The following CCSER1 variants were observed in gnomAD, a reference collection of about 807,000 sequenced individuals.
CCSER1 encodes coiled-coil serine rich protein 1, also known as serine-rich coiled-coil domain-containing protein 1.
In CCSER1, 41 loss-of-function variants were observed where a neutral mutation model predicts 82.0. That is an observed-to-expected ratio of 0.50 (90% CI 0.39 to 0.65). The LOEUF (loss-of-function observed/expected upper bound fraction) is 0.65. Ranked by LOEUF, CCSER1 falls within the 30% of genes least tolerant of loss-of-function variation. CCSER1 has a pLI of 0.00. For missense variants in CCSER1, 1,119 were observed against 1,064.2 expected (o/e 1.05, Z -0.72); for synonymous variants, 414 against 383.9 (o/e 1.08, Z -0.92).
At chr4:90,620,493 G>C (rs901163019) in intron 5 of CCSER1, among the ~76,000 whole-genome samples, 1 of 152,108 alleles carries the variant, frequency 6.6e-6, no homozygotes, top group African/African-American at 2.4e-5. Flanking sequence ...TGGATACATT[G>C]ATGAACAAGA....
intron 10 of CCSER1, among the ~76,000 whole-genome samples, chr4:91,489,371 A>C (rs1025606112): frequency 8.5e-5 from 13 of 152,118 alleles, no homozygotes; most frequent in Non-Finnish European, 1.3e-4. Flanking sequence ...TGTTTCTTAC[A>C]ATGTTTTATC....
At chr4:90,601,713 A>G (rs998952764) in intron 5 of CCSER1, among the ~76,000 whole-genome samples, 1 of 151,608 alleles carries the variant, frequency 6.6e-6, no homozygotes, top group Non-Finnish European at 1.5e-5. Context: ...TTTCTCCCTA[A>G]GTATTGCTTT....
chr4:90,916,070 A>C lies in CCSER1; in HGVS notation c.2095-7300A>C, dbSNP rs545857610. ...CTCATGGATAGGAAGAATCAATATC[A>C]TGAAAATGGCCATACTACCCAAGGT... On this transcript the variant is annotated intron_variant, in intron 8 of 10. Transcript: ENST00000509176. Among the ~76,000 whole-genome samples, 51 of 152,240 alleles carry C rather than the reference A, an allele frequency of 3.3e-4. 1 individual carries two copies. The highest frequency in any genetic ancestry group is 1.2e-3 in the African/African-American group (48 of 41,550).
In CCSER1 at chr4:90,887,895, A is replaced by AAAC. The variant is rs1554036875; in HGVS notation, c.2095-35463_2095-35461dup. Among the ~76,000 whole-genome samples, 75 of 152,242 alleles carry AAAC rather than the reference A, an allele frequency of 4.9e-4. 1 individual carries two copies. In the East Asian group the frequency reaches 0.012, roughly 25 times the overall value. ...GACTCCATCTCAAAAAAACAAAACA[A>AAAC]AACAACAACAACAAAAACACAATAA... On this transcript the variant is annotated intron_variant, in intron 8 of 10. Transcript: ENST00000509176.
Position 91,553,912 on chromosome 4 carries a change from CTTCA to C in CCSER1, c.2218-44657_2218-44654del, listed in dbSNP as rs578116600. ...TCTTGTGTCTCATATATTCTCTAAT[CTTCA>C]TTATTTTTTCTTCTAATTTTCAGCT... On this transcript the variant is annotated intron_variant, in intron 10 of 10. Transcript: ENST00000509176. Among the ~76,000 whole-genome samples the C allele has an allele frequency of 4.3e-3, 646 of 150,872 alleles. 20 individuals carry two copies. The highest frequency in any genetic ancestry group is 0.015 in the African/African-American group (616 of 41,202).
At chr4:91,056,183 T>A (rs542126475) in intron 9 of CCSER1, among the ~76,000 whole-genome samples, 4 of 152,156 alleles carry the variant, frequency 2.6e-5, no homozygotes, top group Non-Finnish European at 5.9e-5. Flanking sequence ...ATCAGCTTCC[T>A]CTCAGGGACC....
chr4:91,380,438 G>A (rs1479840464), intron 10 of CCSER1, among the ~76,000 whole-genome samples: 1 of 152,080 alleles, frequency 6.6e-6, no homozygotes, highest in African/African-American at 2.4e-5. Flanking sequence ...CTCCTGTATT[G>A]GGTGCATATA....
intron 4 of CCSER1, among the ~76,000 whole-genome samples, chr4:90,426,360 C>A (rs180943765): frequency 8.5e-5 from 13 of 152,142 alleles, no homozygotes; most frequent in South Asian, 6.2e-4. Flanking sequence ...ATGATCAGGG[C>A]TAAAATAATG....
At chr4:90,324,007 G>A (rs1276273853) in intron 3 of CCSER1, among the ~76,000 whole-genome samples, 1 of 152,042 alleles carries the variant, frequency 6.6e-6, no homozygotes, top group Non-Finnish European at 1.5e-5. Context: ...ACTCATCATT[G>A]TTTATGGCTG....
chr4:91,009,749 CAACTT>C (rs1375442975), intron 9 of CCSER1, among the ~76,000 whole-genome samples: 5 of 152,150 alleles, frequency 3.3e-5, no homozygotes, highest in African/African-American at 1.2e-4. Flanking sequence ...ACACTGATAA[CAACTT>C]AACTTAATTT....
chr4:90,611,611 T>G (rs1235721803), intron 5 of CCSER1, among the ~76,000 whole-genome samples: 3 of 151,494 alleles, frequency 2.0e-5, no homozygotes, highest in Non-Finnish European at 4.4e-5. Context: ...TATTTTTGTG[T>G]GTATTAATTA....
chr4:91,125,791 A>G (rs1048105478), intron 10 of CCSER1, among the ~76,000 whole-genome samples: 4 of 151,638 alleles, frequency 2.6e-5, no homozygotes, highest in South Asian at 2.1e-4. Flanking sequence ...TAAAATTTTA[A>G]AACTACCAAC....
At chr4:91,341,902 G>A (rs1747745674) in intron 10 of CCSER1, among the ~76,000 whole-genome samples, 1 of 152,070 alleles carries the variant, frequency 6.6e-6, no homozygotes, top group Non-Finnish European at 1.5e-5. Flanking sequence ...CTTTTACCAG[G>A]ACTTTTGGCA....
Position 91,330,937 on chromosome 4 carries a change from G to A in CCSER1, c.2217+244943G>A, listed in dbSNP as rs185865514. ...GCATGATAAATTCTTGTGCTGTCTG[G>A]CTTTGTTCAGCCTGGGACATGAATC... On this transcript the variant is annotated intron_variant, in intron 10 of 10. Transcript: ENST00000509176. Among the ~76,000 whole-genome samples the A allele has an allele frequency of 1.6e-4, 24 of 152,200 alleles. No individual in the cohort carries two copies. The East Asian group carries it at 4.6e-3, about 29-fold the overall frequency.
chr4:91,454,150 C>T (rs2149422748), intron 10 of CCSER1, among the ~76,000 whole-genome samples: 1 of 152,140 alleles, frequency 6.6e-6, no homozygotes, highest in South Asian at 2.1e-4. Context: ...AAAACATTGT[C>T]ACACACTTTC....
intron 8 of CCSER1, among the ~76,000 whole-genome samples, chr4:90,911,996 T>C (rs1726465081): frequency 6.6e-6 from 1 of 152,204 alleles, no homozygotes; most frequent in African/African-American, 2.4e-5. Context: ...TGGAATTGGG[T>C]GGAGCCCACC....
chr4:90,429,782 A>C (rs1758023179), intron 4 of CCSER1, among the ~76,000 whole-genome samples: 1 of 151,882 alleles, frequency 6.6e-6, no homozygotes, highest in Non-Finnish European at 1.5e-5. Context: ...GTCAAAATTT[A>C]AGTAACAAGA....
intron 5 of CCSER1, among the ~76,000 whole-genome samples, chr4:90,533,365 G>T (rs1272519898): frequency 6.6e-6 from 1 of 152,118 alleles, no homozygotes. Flanking sequence ...AAAGTGCTGG[G>T]ATTACAGGCG....
At chr4:90,923,603 C>T in intron 9 of CCSER1, 156 bp downstream of exon 9, 1 of 539,774 alleles carries the variant, frequency 1.9e-6, no homozygotes, top group Non-Finnish European at 3.3e-6. Context: ...CAAATACCTC[C>T]TGGAACTAAA....
Sources: allele counts gnomAD v4.1 joint callset (sites outside exome capture counted in the v4.1 genomes callset), GRCh38; gene constraint gnomAD v4.1.1; transcripts MANE v1.5; gene names NCBI Gene and HGNC (gene_info 2026-07-23, HGNC 2026-07-21).